Variants in RAP2C observed in about 807,000 individuals in gnomAD.
RAP2C encodes the protein ras-related protein Rap-2c.
Under a neutral mutation model 8.9 loss-of-function variants are expected in RAP2C, and 3 were observed. The observed-to-expected ratio is 0.34, with a 90% CI of 0.15 to 0.87. RAP2C has a LOEUF of 0.87. Ranked by LOEUF, RAP2C falls within the 40% of genes least tolerant of loss-of-function variation. The probability of loss-of-function intolerance (pLI) is 0.51; values close to 1 mark genes in which losing one functional copy is unlikely to be tolerated. For missense variants in RAP2C, 76 were observed against 133.7 expected, an observed-to-expected ratio of 0.57 and a Z score of 2.13; for synonymous variants, 60 against 52.1, an observed-to-expected ratio of 1.15 and a Z score of -0.65.
intron 1 of RAP2C, among the ~76,000 whole-genome samples, chrX:132,219,059 A>G (rs1930773849): frequency 1.8e-5 from 2 of 112,045 alleles, no homozygotes; most frequent in South Asian, 3.7e-4. Context: ...ACTTCCGACT[A>G]TCTTTCCCTT....
At chrX:132,210,351 T>C (rs1465429806) in intron 5 of RAP2C, among the ~76,000 whole-genome samples, 1 of 112,219 alleles carries the variant, frequency 8.9e-6, no homozygotes, top group African/African-American at 3.2e-5. Flanking sequence ...TATTTTATTT[T>C]AAAAAACCCT....
At chrX:132,219,127 T>A (rs755300497) in intron 1 of RAP2C, among the ~76,000 whole-genome samples, 17 of 111,596 alleles carry the variant, frequency 1.5e-4, no homozygotes, top group Non-Finnish European at 3.0e-4. Flanking sequence ...GGGCCAGGAG[T>A]CTAGGCTGTA....
At chrX:132,206,462 C>T (rs1211276361) in intron 5 of RAP2C, among the ~76,000 whole-genome samples, 2 of 112,228 alleles carry the variant, frequency 1.8e-5, no homozygotes. Flanking sequence ...ACAGATAGAG[C>T]GTCCTTCAAC....
At chrX:132,216,459 T>C (rs1340178590) in intron 4 of RAP2C, among the ~76,000 whole-genome samples, 3 of 108,857 alleles carry the variant, frequency 2.8e-5, no homozygotes, top group Non-Finnish European at 3.8e-5. Flanking sequence ...AAGGCAGGTC[T>C]TGAGTTCTTC....
rs1037396291 is a variant in RAP2C at position 132,204,058 on chromosome X, T to C, written c.*1564A>G. On this transcript the variant is annotated 3_prime_UTR_variant, in exon 6 of 6. Transcript: ENST00000370874. ...TTTCATAAACCATCACTGCATATAT[T>C]AGAGCTTTCCTTGACAAAGTTATTG... 1 of 112,511 alleles carries C rather than the reference T, an allele frequency of 8.9e-6. No individual in the cohort carries two copies. The highest frequency in any genetic ancestry group is 1.9e-5 in the Non-Finnish European group (1 of 53,152). 9.3% of individuals were successfully genotyped at this position (112,511 alleles called of 1,213,427 possible).
Position 132,205,221 on chromosome X carries a change from A to G in RAP2C, c.*401T>C, listed in dbSNP as rs980055182. On this transcript the variant is annotated 3_prime_UTR_variant, in exon 6 of 6. Coordinates refer to ENST00000370874, the MANE Select transcript of RAP2C (RefSeq NM_001271186.2). ...TTTAAGGCTCAATTTTTTCTCCATT[A>G]TAACTTTCTTTTAAAAGGCATTGAG... 2 of 112,257 alleles carry G rather than the reference A, an allele frequency of 1.8e-5. No individual in the cohort carries two copies. The highest frequency in any genetic ancestry group is 4.2e-3 in the Middle Eastern group (1 of 238). The allele number at this position is 112,257 out of a possible 1,213,427, so 9.3% of individuals were successfully genotyped here.
At position 132,203,551 on chromosome X, in the gene RAP2C, GAGAGAGAGAGAA is replaced by G. The variant is rs1200464473; in HGVS notation, c.*2059_*2070del. The G allele has an allele frequency of 6.4e-5, 5 of 77,949 alleles. No individual in the cohort carries two copies. Among genetic ancestry groups the G allele is most frequent in the African/African-American group, 3.4e-4 (5 of 14,667 alleles). The allele number at this position is 77,949 out of a possible 1,213,427, so 6.4% of individuals were successfully genotyped here. A position where few individuals can be genotyped will look rare whatever the true frequency, so the allele number is the denominator to read the frequency against. ...AGAGAGAGAGAGAGAGAGAGAGAGAGAGAGAGAGAGAAACAAGAACACAATCTACAGGAAAGA... is the reference window on the plus strand; with the variant it reads ...AGAGAGAGAGAGAGAGAGAGAGAGAGACAAGAACACAATCTACAGGAAAGA... On this transcript the variant is annotated 3_prime_UTR_variant, in exon 6 of 6. Coordinates refer to ENST00000370874, the MANE Select transcript of RAP2C (RefSeq NM_001271186.2).
At chrX:132,208,014 A>C (rs763057232) in intron 5 of RAP2C, among the ~76,000 whole-genome samples, 64 of 108,265 alleles carry the variant, frequency 5.9e-4, no homozygotes, top group Admixed American at 1.4e-3. Flanking sequence ...CAAAAAAAAA[A>C]CCACACACAC....
chrX:132,212,647 G>A (rs1450210355), intron 5 of RAP2C, among the ~76,000 whole-genome samples: 1 of 112,164 alleles, frequency 8.9e-6, no homozygotes, highest in Non-Finnish European at 1.9e-5. Context: ...GTGTCAGGTA[G>A]AAAAATAGAG....
At chrX:132,211,538 GGTTAT>G (rs749464919) in intron 5 of RAP2C, among the ~76,000 whole-genome samples, 2 of 111,488 alleles carry the variant, frequency 1.8e-5, no homozygotes, top group South Asian at 7.5e-4. Flanking sequence ...TAAGGAATCT[GGTTAT>G]GCTTCCAAAC....
In RAP2C at chrX:132,217,303, G is replaced by A; in HGVS notation, c.-35C>T. On this transcript the variant is annotated 5_prime_UTR_variant, in exon 4 of 6. Transcript: ENST00000370874. The stretch of plus-strand genomic sequence containing the variant: ...CTTCACCAACTCCTACCAGAGGGGG[G>A]GAAAGATCACCCCGCTAGCTGTGGC... 1.9e-6 allele frequency: 2 copies of A among 1,055,632 alleles called. No individual in the cohort carries two copies. The highest frequency in any genetic ancestry group is 2.5e-6 in the Non-Finnish European group (2 of 810,010). The allele number at this position is 1,055,632 out of a possible 1,213,427, so 87.0% of individuals were successfully genotyped here.
intron 5 of RAP2C, among the ~76,000 whole-genome samples, chrX:132,210,482 T>A (rs761309265): frequency 2.7e-5 from 3 of 112,071 alleles, no homozygotes; most frequent in Non-Finnish European, 5.6e-5. Flanking sequence ...TCTGCTGCCA[T>A]GTAAAATGAC....
rs1485802271 is a variant in RAP2C, at chrX:132,204,174, C to T, written c.*1448G>A. 1.8e-5 allele frequency: 2 copies of T among 112,174 alleles called. No homozygotes were observed. The highest frequency in any genetic ancestry group is 5.6e-4 in the East Asian group (2 of 3,585). The allele number at this position is 112,174 out of a possible 1,213,427, so 9.2% of individuals were successfully genotyped here. A position where few individuals can be genotyped will look rare whatever the true frequency, so the allele number is the denominator to read the frequency against. ...ATGACTAAAGCTGGGCTCCTAAAAT[C>T]GAGAACTTTGGTGCAGTAGGTGAGC... is the stretch of plus-strand genomic sequence containing the variant. On this transcript the variant is annotated 3_prime_UTR_variant, in exon 6 of 6. Coordinates refer to ENST00000370874, the MANE Select transcript of RAP2C (RefSeq NM_001271186.2).
At position 132,204,999 on chromosome X, in the gene RAP2C, A is replaced by C. The variant is rs765185961; in HGVS notation, c.*623T>G. On this transcript the variant is annotated 3_prime_UTR_variant, in exon 6 of 6. Coordinates refer to ENST00000370874, the MANE Select transcript of RAP2C (RefSeq NM_001271186.2). Reference sequence around the variant, plus strand: ...TAATTACAAAAAAAAAAAAAAAAAAACAAAACACATCACAAACTGCACTTG... The same window carrying C: ...TAATTACAAAAAAAAAAAAAAAAAACCAAAACACATCACAAACTGCACTTG... The C allele has an allele frequency of 2.1e-3, 221 of 105,706 alleles. 1 individual carries two copies. The highest frequency in any genetic ancestry group is 7.3e-3 in the African/African-American group (212 of 28,999). The allele number at this position is 105,706 out of a possible 1,213,427, so 8.7% of individuals were successfully genotyped here. A position where few individuals can be genotyped will look rare whatever the true frequency, so the allele number is the denominator to read the frequency against.
At chrX:132,206,446 G>A (rs1930279311) in intron 5 of RAP2C, among the ~76,000 whole-genome samples, 1 of 112,041 alleles carries the variant, frequency 8.9e-6, no homozygotes, top group African/African-American at 3.2e-5. Flanking sequence ...AAAATCTATC[G>A]TTCAGACAGA....
At chrX:132,215,634 C>T (rs1930557352) in intron 4 of RAP2C, among the ~76,000 whole-genome samples, 1 of 111,275 alleles carries the variant, frequency 9.0e-6, no homozygotes, top group African/African-American at 3.3e-5. Flanking sequence ...GTCTATAACA[C>T]AAATGGATAT....
chrX:132,208,662 T>C (rs1189078223), intron 5 of RAP2C, among the ~76,000 whole-genome samples: 1 of 109,923 alleles, frequency 9.1e-6, no homozygotes, highest in Non-Finnish European at 1.9e-5. Context: ...ATTATTTTAA[T>C]AATAATTTTA....
At chrX:132,210,483 G>A (rs1474006421) in intron 5 of RAP2C, among the ~76,000 whole-genome samples, 2 of 111,878 alleles carry the variant, frequency 1.8e-5, no homozygotes, top group Non-Finnish European at 3.8e-5. Flanking sequence ...CTGCTGCCAT[G>A]TAAAATGACG....
chrX:132,211,510 C>G (rs960667968), intron 5 of RAP2C, among the ~76,000 whole-genome samples: 16 of 111,275 alleles, frequency 1.4e-4, no homozygotes, highest in Non-Finnish European at 2.6e-4. Flanking sequence ...GTAAAGAAAT[C>G]AGGATGATGG....
Sources: allele counts gnomAD v4.1 joint callset (sites outside exome capture counted in the v4.1 genomes callset), GRCh38; gene constraint gnomAD v4.1.1; transcripts MANE v1.5; gene names NCBI Gene and HGNC (gene_info 2026-07-23, HGNC 2026-07-21).